SRL: variants seen among roughly 807,000 people sequenced by gnomAD.
SRL encodes sarcalumenin.
Under a neutral mutation model 39.5 loss-of-function variants are expected in SRL, and 23 were observed. The observed-to-expected ratio is 0.58, with a 90% CI of 0.42 to 0.82. The LOEUF is 0.82. Ranked by LOEUF, SRL falls within the 40% of genes least tolerant of loss-of-function variation. The probability of loss-of-function intolerance (pLI) is 0.00; values close to 1 mark genes in which losing one functional copy is unlikely to be tolerated. For missense variants in SRL, 592 were observed against 607.8 expected, an observed-to-expected ratio of 0.97 and a Z score of 0.27; for synonymous variants, 272 against 237.4, an observed-to-expected ratio of 1.15 and a Z score of -1.34.
intron 1 of SRL, among the ~76,000 whole-genome samples, chr16:4,229,765 C>T (rs183395206): frequency 6.4e-4 from 98 of 152,056 alleles, no homozygotes; most frequent in African/African-American, 2.3e-3. Flanking sequence ...CTGCACACGT[C>T]CCCCCTGAAT....
In SRL at chr16:4,189,393, T is replaced by TA. The variant is rs1233881428; in HGVS notation, c.*2759_*2760insT. The TA allele has an allele frequency of 6.6e-6, 1 of 152,208 alleles. No homozygotes were observed. Among genetic ancestry groups the TA allele is most frequent in the East Asian group, 1.9e-4 (1 of 5,184 alleles). The allele number at this position is 152,208 out of a possible 1,614,324, so 9.4% of individuals were successfully genotyped here. ...GCGGTGTTAAAGAGAGATCGGAACT[T>TA]TATTGAGACTGATGAAATCAGAACC... is the stretch of plus-strand genomic sequence containing the variant. On this transcript the variant is annotated 3_prime_UTR_variant, in exon 6 of 6. Transcript: ENST00000399609.
chr16:4,198,610 A>C (rs2141026211), intron 3 of SRL, among the ~76,000 whole-genome samples: 1 of 151,334 alleles, frequency 6.6e-6, no homozygotes, highest in East Asian at 1.9e-4. Flanking sequence ...ATGCCCAGCA[A>C]ATTTAAAAAT....
At chr16:4,211,742 G>A (rs934652195) in intron 1 of SRL, among the ~76,000 whole-genome samples, 1 of 149,136 alleles carries the variant, frequency 6.7e-6, no homozygotes, top group Non-Finnish European at 1.5e-5. Context: ...GATGAGGATC[G>A]TGATGATGAT....
chr16:4,199,658 C>T (rs552322646), intron 3 of SRL, among the ~76,000 whole-genome samples: 4 of 149,938 alleles, frequency 2.7e-5, no homozygotes, highest in South Asian at 4.2e-4. Context: ...GGCATGAGCC[C>T]GGCACCCAGC....
At chr16:4,199,537 A>AT (rs1387025247) in intron 3 of SRL, among the ~76,000 whole-genome samples, 1 of 151,090 alleles carries the variant, frequency 6.6e-6, no homozygotes, top group Non-Finnish European at 1.5e-5. Context: ...AGCCCAGCTC[A>AT]TTTTTGTATT....
intron 1 of SRL, 50 bp from the exon 2 acceptor site, chr16:4,204,684 GA>G (rs1567178106): frequency 1.3e-6 from 2 of 1,556,074 alleles, no homozygotes; most frequent in Admixed American, 3.3e-5. Flanking sequence ...ACAGCCAGCT[GA>G]GCTCTGGGCC....
In SRL at chr16:4,204,640, G is replaced by A. The variant is rs2052294215; in HGVS notation, c.62-6C>T. 3 of 1,612,536 alleles carry A rather than the reference G, an allele frequency of 1.9e-6. No homozygotes were observed. Among genetic ancestry groups the A allele is most frequent in the African/African-American group, 2.7e-5 (2 of 75,008 alleles). On this transcript the variant is annotated splice_region_variant and splice_polypyrimidine_tract_variant and intron_variant, in intron 1 of 5. Coordinates refer to ENST00000399609, the MANE Select transcript of SRL (RefSeq NM_001098814.2). ...ATTTGCATCCTCCGTCTCTTCTGTGGAGAGAAGCAGACAGCCAAGTGAGAG... is the reference window on the plus strand; with the variant it reads ...ATTTGCATCCTCCGTCTCTTCTGTGAAGAGAAGCAGACAGCCAAGTGAGAG...
At chr16:4,203,601 A>C (rs1159893800) in intron 2 of SRL, among the ~76,000 whole-genome samples, 1 of 152,140 alleles carries the variant, frequency 6.6e-6, no homozygotes, top group African/African-American at 2.4e-5. Flanking sequence ...AGCTCACTGC[A>C]GCCTCTAACT....
At chr16:4,210,689 G>C (rs1012239545) in intron 1 of SRL, among the ~76,000 whole-genome samples, 4 of 152,092 alleles carry the variant, frequency 2.6e-5, no homozygotes, top group Non-Finnish European at 5.9e-5. Context: ...CACCATGTTG[G>C]CTAGGCTGGT....
At chr16:4,211,101 T>C (rs982436077) in intron 1 of SRL, among the ~76,000 whole-genome samples, 1 of 152,114 alleles carries the variant, frequency 6.6e-6, no homozygotes. Context: ...CTTGGTCCCA[T>C]GCTTCCCTTT....
At chr16:4,238,216 A>G (rs1453921984) in intron 1 of SRL, among the ~76,000 whole-genome samples, 4 of 152,098 alleles carry the variant, frequency 2.6e-5, no homozygotes, top group Non-Finnish European at 4.4e-5. Flanking sequence ...AGAGAGAGCT[A>G]AGTAAGCCCA....
At chr16:4,204,255 C>T (rs922157079) in intron 2 of SRL, among the ~76,000 whole-genome samples, 6 of 152,324 alleles carry the variant, frequency 3.9e-5, no homozygotes, top group African/African-American at 7.2e-5. Flanking sequence ...GCACTGGCTT[C>T]GCCCACACCA....
intron 1 of SRL, among the ~76,000 whole-genome samples, chr16:4,224,926 C>T (rs186759617): frequency 2.8e-4 from 42 of 152,282 alleles, no homozygotes; most frequent in East Asian, 1.5e-3. Context: ...AGGGGTGGAG[C>T]GCTTCCACCT....
At chr16:4,225,211 C>A (rs2052574216) in intron 1 of SRL, among the ~76,000 whole-genome samples, 1 of 152,118 alleles carries the variant, frequency 6.6e-6, no homozygotes, top group African/African-American at 2.4e-5. Flanking sequence ...TGTGAATATA[C>A]TAAAAACTAC....
intron 3 of SRL, among the ~76,000 whole-genome samples, chr16:4,201,949 C>G (rs538275458): frequency 6.6e-6 from 1 of 152,014 alleles, no homozygotes; most frequent in African/African-American, 2.4e-5. Context: ...CCACCACGCC[C>G]GCCCCTAATT....
At chr16:4,198,139 C>T (rs950284357) in intron 3 of SRL, among the ~76,000 whole-genome samples, 2 of 152,228 alleles carry the variant, frequency 1.3e-5, no homozygotes, top group Non-Finnish European at 2.9e-5. Context: ...ATCCTTGGCA[C>T]GTCTGCCCCC....
intron 1 of SRL, chr16:4,207,867 G>A (rs1219899994): frequency 4.4e-6 from 2 of 456,586 alleles, no homozygotes; most frequent in Admixed American, 4.7e-5. Context: ...TGTGGCTGAG[G>A]CATTGGAGAG....
intron 1 of SRL, among the ~76,000 whole-genome samples, chr16:4,212,279 C>A (rs1240844839): frequency 6.6e-6 from 1 of 152,180 alleles, no homozygotes; most frequent in Non-Finnish European, 1.5e-5. Context: ...CTAAAAATAA[C>A]TGCTCCAACA....
At chr16:4,216,978 A>T (rs1304640362) in intron 1 of SRL, among the ~76,000 whole-genome samples, 1 of 152,172 alleles carries the variant, frequency 6.6e-6, no homozygotes, top group Non-Finnish European at 1.5e-5. Context: ...TCAGTCTAAC[A>T]GCTATCCTGG....
Sources: gnomAD v4.1 joint callset for allele counts (sites outside exome capture counted in the v4.1 genomes callset) on GRCh38, gnomAD v4.1.1 for gene constraint, MANE v1.5 for transcripts, NCBI Gene and HGNC (gene_info 2026-07-23, HGNC 2026-07-21) for gene names.